AS3MT: variants seen among roughly 807,000 people sequenced by gnomAD.
The protein encoded by AS3MT is arsenite methyltransferase, also known as S-adenosyl-L-methionine:arsenic(III) methyltransferase.
In AS3MT, 47 loss-of-function variants were observed where a neutral mutation model predicts 45.3. The observed-to-expected ratio is 1.04, with a 90% CI of 0.82 to 1.32. The LOEUF is 1.32. Among genes scored for constraint, AS3MT ranks in the 40% most tolerant of loss-of-function variants. The pLI is 0.00. For missense variants in AS3MT, 396 were observed against 451.1 expected (o/e 0.88, Z 1.11); for synonymous variants, 141 against 152.8 (o/e 0.92, Z 0.57).
chr10:102,874,464 G>C, intron 5 of AS3MT, 128 bp from the exon 6 acceptor site: 4 of 648,384 alleles, frequency 6.2e-6, no homozygotes, highest in Non-Finnish European at 1.1e-5. Flanking sequence ...ATTAGAAAGA[G>C]AGGAGGGAGG....
chr10:102,901,250 G>A lies in AS3MT; in HGVS notation c.*550G>A, dbSNP rs1360373380. 6.6e-6 allele frequency: 1 copy of A among 151,840 alleles called. No individual in the cohort carries two copies. The highest frequency in any genetic ancestry group is 1.9e-4 in the East Asian group (1 of 5,174). 9.4% of individuals were successfully genotyped at this position (151,840 alleles called of 1,614,324 possible). A position where few individuals can be genotyped will look rare whatever the true frequency, so the allele number is the denominator to read the frequency against. Reference sequence around the variant, plus strand: ...GGTCTGTTGCCCAGGCTGAAGTGCAGTGGCCCCATCTCAACTCACTGCAAG... The same window carrying A: ...GGTCTGTTGCCCAGGCTGAAGTGCAATGGCCCCATCTCAACTCACTGCAAG... On this transcript the variant is annotated 3_prime_UTR_variant, in exon 11 of 11. Transcript: ENST00000369880.
intron 6 of AS3MT, among the ~76,000 whole-genome samples, chr10:102,874,982 C>A (rs780598680): frequency 1.3e-5 from 2 of 152,174 alleles, no homozygotes; most frequent in Non-Finnish European, 2.9e-5. Context: ...TTTGCACTGA[C>A]TACTAATGAT....
chr10:102,872,633 T>G, intron 4 of AS3MT, 35 bp downstream of exon 4: 1 of 1,567,666 alleles, frequency 6.4e-7, no homozygotes, highest in Non-Finnish European at 8.6e-7. Context: ...GAGAAAAAGA[T>G]TCTCAAAAGC....
At chr10:102,888,922 G>A (rs1377558179) in intron 9 of AS3MT, among the ~76,000 whole-genome samples, 6 of 111,874 alleles carry the variant, frequency 5.4e-5, no homozygotes, top group South Asian at 5.4e-4. Context: ...GCTCTGTCTC[G>A]CTCTGTCGCC....
chr10:102,890,578 C>G lies in AS3MT; in HGVS notation c.920C>G (p.Ala307Gly). 6.2e-7 allele frequency: 1 copy of G among 1,606,300 alleles called. No individual in the cohort carries two copies. Among genetic ancestry groups the G allele is most frequent in the Non-Finnish European group, 8.5e-7 (1 of 1,177,726 alleles). Residue 307 changes from alanine to glycine, a missense_variant, in exon 10 of 11, where the codon GCA becomes GGA. Ala to Gly is a moderately conservative substitution (Grantham distance 60). Coordinates refer to ENST00000369880, the MANE Select transcript of AS3MT (RefSeq NM_020682.4). ...ATTGTTGAAGTGGATGAAGAAACAGCAGCTATCTTGAAGAATTCAAGATTT... is the reference window on the plus strand; with the variant it reads ...ATTGTTGAAGTGGATGAAGAAACAGGAGCTATCTTGAAGAATTCAAGATTT... ...GEIVEVDEET[A>G]AILKNSRFAQ...
chr10:102,877,355 A>C (rs937376122), intron 7 of AS3MT, among the ~76,000 whole-genome samples: 2 of 152,190 alleles, frequency 1.3e-5, no homozygotes, highest in African/African-American at 4.8e-5. Flanking sequence ...AATTGTTCCC[A>C]AGCTGGTGTC....
At chr10:102,876,266 A>G (rs1289591301) in intron 6 of AS3MT, among the ~76,000 whole-genome samples, 1 of 151,828 alleles carries the variant, frequency 6.6e-6, no homozygotes, top group Non-Finnish European at 1.5e-5. Context: ...ATATTTTTTA[A>G]TAGAAATGGG....
intron 3 of AS3MT, 138 bp downstream of exon 3, chr10:102,870,349 C>A: frequency 1.7e-6 from 2 of 1,147,036 alleles, no homozygotes; most frequent in South Asian, 1.5e-5. Context: ...TCCTAAATCT[C>A]AGCACCCATC....
chr10:102,875,953 T>G (rs1340214147), intron 6 of AS3MT, among the ~76,000 whole-genome samples: 1 of 152,048 alleles, frequency 6.6e-6, no homozygotes, highest in African/African-American at 2.4e-5. Flanking sequence ...ATTTTTGAGA[T>G]TTTTGGTTTA....
chr10:102,900,687 AG>A lies in AS3MT; in HGVS notation c.1116del (p.Ser374AlafsTer22). ...PDAAGGCCGT[K>X]KSC ...GCTGCTGGAGGCTGCTGTGGCACAA[AG>A]AAAAGCTGCTAAATCTATAGCCAAC... On this transcript the variant is annotated frameshift_variant, in exon 11 of 11. Transcript: ENST00000369880. LOFTEE classifies it high-confidence loss of function. 6.2e-7 allele frequency: 1 copy of A among 1,614,028 alleles called. No individual in the cohort carries two copies. Among genetic ancestry groups the A allele is most frequent in the African/African-American group, 1.3e-5 (1 of 75,060 alleles).
Position 102,872,457 on chromosome 10 carries a change from C to T in AS3MT, c.180C>T (p.Gly60=), listed in dbSNP as rs1844707710. 2 of 1,613,758 alleles carry T rather than the reference C, an allele frequency of 1.2e-6. No homozygotes were observed. Among genetic ancestry groups the T allele is most frequent in the Non-Finnish European group, 1.7e-6 (2 of 1,179,906 alleles). Reference sequence around the variant, plus strand: ...GTTTTCCATTTCCCAGATATTATGGCTGTGGTCTGGTGATCCCTGAGCATC... The same window carrying T: ...GTTTTCCATTTCCCAGATATTATGGTTGTGGTCTGGTGATCCCTGAGCATC... ...VHEEVALRYY[G]CGLVIPEHLE... The change falls in exon 4 of 11, where the codon GGC becomes GGT. Residue 60 remains glycine (G), a synonymous_variant. Coordinates refer to ENST00000369880, the MANE Select transcript of AS3MT (RefSeq NM_020682.4).
intron 8 of AS3MT, 111 bp from the exon 9 acceptor site, chr10:102,878,738 T>G (rs1844826792): frequency 1.1e-5 from 16 of 1,402,276 alleles, no homozygotes; most frequent in Non-Finnish European, 1.5e-5. Context: ...AGATAACTGA[T>G]GACATGCAAG....
chr10:102,873,649 G>A (rs1314722858), intron 5 of AS3MT, among the ~76,000 whole-genome samples: 2 of 152,052 alleles, frequency 1.3e-5, no homozygotes, highest in Non-Finnish European at 2.9e-5. Context: ...CTCATTTAGG[G>A]TGTTAAACTA....
At chr10:102,892,515 T>C (rs1463508888) in intron 10 of AS3MT, among the ~76,000 whole-genome samples, 4 of 152,224 alleles carry the variant, frequency 2.6e-5, no homozygotes, top group Admixed American at 1.3e-4. Flanking sequence ...TGGGTTATTA[T>C]GTGTGTGGCA....
intron 6 of AS3MT, among the ~76,000 whole-genome samples, chr10:102,876,032 G>A (rs1422673270): frequency 6.6e-6 from 1 of 151,982 alleles, no homozygotes; most frequent in Non-Finnish European, 1.5e-5. Flanking sequence ...TGATGTCTTT[G>A]TTAGTATGTC....
At chr10:102,874,770 A>C in intron 6 of AS3MT, 109 bp downstream of exon 6, 1 of 832,444 alleles carries the variant, frequency 1.2e-6, no homozygotes, top group Non-Finnish European at 2.0e-6. Context: ...TAATTTATCC[A>C]TTAAATGAAT....
intron 9 of AS3MT, among the ~76,000 whole-genome samples, chr10:102,889,622 T>G (rs71496550): frequency 0.23 from 22,183 of 94,650 alleles, 2,037 homozygotes; most frequent in East Asian, 0.37. Context: ...CTGCCTTCCT[T>G]CCTTCCTTCC....
At chr10:102,882,490 G>A (rs929732839) in intron 9 of AS3MT, among the ~76,000 whole-genome samples, 9 of 151,814 alleles carry the variant, frequency 5.9e-5, no homozygotes, top group Non-Finnish European at 1.3e-4. Context: ...TGTAAGCATA[G>A]CCCACTATAG....
At position 102,869,861 on chromosome 10, in the gene AS3MT, C is replaced by T. The variant is rs750401887; in HGVS notation, c.42+16C>T. 1 of 1,613,522 alleles carries T rather than the reference C, an allele frequency of 6.2e-7. No individual in the cohort carries two copies. The highest frequency in any genetic ancestry group is 1.3e-5 in the African/African-American group (1 of 74,948). ...GGACGTGCAGGTGAGAGCTGTAGGGCCTGGAATGGCCCAAGTGGAGCCTAG... is the reference window on the plus strand; with the variant it reads ...GGACGTGCAGGTGAGAGCTGTAGGGTCTGGAATGGCCCAAGTGGAGCCTAG... On this transcript the variant is annotated intron_variant, in intron 2 of 10. Transcript: ENST00000369880.
Sources: gnomAD v4.1 joint callset for allele counts (sites outside exome capture counted in the v4.1 genomes callset) on GRCh38, gnomAD v4.1.1 for gene constraint, MANE v1.5 for transcripts, NCBI Gene and HGNC (gene_info 2026-07-23, HGNC 2026-07-21) for gene names.